The following USH2A variants were observed in gnomAD, a reference collection of about 807,000 sequenced individuals.
USH2A encodes usherin, also known as Usher syndrome 2A (autosomal recessive, mild).
Under a neutral mutation model 538.9 loss-of-function variants are expected in USH2A, and 443 were observed. That is an observed-to-expected ratio of 0.82 (90% CI 0.76 to 0.89). USH2A has a LOEUF of 0.89. USH2A is among the 40% of genes least tolerant of loss of function. The pLI, the probability that USH2A is intolerant of heterozygous loss-of-function variation, is 0.00. For missense variants in USH2A, 6,633 were observed against 6,324.8 expected, an observed-to-expected ratio of 1.05 and a Z score of -1.65; for synonymous variants, 2,413 against 2,273.5, an observed-to-expected ratio of 1.06 and a Z score of -1.75.
At chr1:216,185,347 A>G (rs77012879) in intron 20 of USH2A, among the ~76,000 whole-genome samples, 1,565 of 152,076 alleles carry the variant, frequency 0.01, 25 homozygotes, top group African/African-American at 0.036. Flanking sequence ...TTAAAACAAG[A>G]GAGAGCCAAT....
At chr1:215,745,128 C>T (rs1660435767) in intron 58 of USH2A, among the ~76,000 whole-genome samples, 1 of 152,130 alleles carries the variant, frequency 6.6e-6, no homozygotes, top group Non-Finnish European at 1.5e-5. Flanking sequence ...ACCATCTTCC[C>T]ATTTTCCTAG....
intron 20 of USH2A, among the ~76,000 whole-genome samples, chr1:216,186,826 G>T (rs1256029920): frequency 6.6e-6 from 1 of 151,642 alleles, no homozygotes; most frequent in Non-Finnish European, 1.5e-5. Flanking sequence ...TGCTATCATT[G>T]TCCATCCTTC....
In USH2A at chr1:215,888,965, C is replaced by G. The variant is rs397518033; in HGVS notation, c.7684G>C (p.Val2562Leu). ...AGATAAATGTTATAATGGGTAATAA[C>G]CCCATTGGATTTTCTAGGATGCTGC... is the stretch of plus-strand genomic sequence containing the variant. ...TWQHPRKSNG[V>L]ITHYNIYLHG... Residue 2562 changes from valine to leucine, a missense_variant, in exon 41 of 72, where the codon GTT (valine) becomes CTT (leucine). Physicochemically the swap from Val to Leu is conservative, Grantham distance 32 (BLOSUM62 1). Transcript: ENST00000307340. The G allele has an allele frequency of 6.2e-7, 1 of 1,614,054 alleles. No homozygotes were observed. Among genetic ancestry groups the G allele is most frequent in the Non-Finnish European group, 8.5e-7 (1 of 1,180,004 alleles).
In USH2A at chr1:216,250,115, T is replaced by A. The variant is rs374633629; in HGVS notation, c.2167+788A>T. On this transcript the variant is annotated intron_variant, in intron 12 of 71. Coordinates refer to ENST00000307340, the MANE Select transcript of USH2A (RefSeq NM_206933.4). ...ATTCTCATATATCAAAATTTCAAAG[T>A]GCATTATGAACATAGTGCATTTTAG... Among the ~76,000 whole-genome samples the A allele has an allele frequency of 9.8e-5, 15 of 152,286 alleles. 1 individual carries two copies. The highest frequency in any genetic ancestry group is 3.9e-4 in the Admixed American group (6 of 15,296).
At chr1:215,794,991 A>G (rs1054390523) in intron 50 of USH2A, among the ~76,000 whole-genome samples, 7 of 152,198 alleles carry the variant, frequency 4.6e-5, no homozygotes, top group African/African-American at 1.7e-4. Flanking sequence ...TCCACTTCTT[A>G]GAACAGATGT....
In USH2A at chr1:216,086,748, C is replaced by A. The variant is rs372436408; in HGVS notation, c.4958G>T (p.Arg1653Leu). ...NTGVFLGGLP[R>L]SYTILRKDPE... ...ATCCTTCCTGAGGATGGTATAACTT[C>A]GCGGGAGCCCTCCCAGAAAGACTCC... The change falls in exon 24 of 72, where the codon CGA becomes CTA. Residue 1653 changes from arginine to leucine, a missense_variant. Transcript: ENST00000307340. The A allele has an allele frequency of 5.0e-6, 8 of 1,612,736 alleles. No homozygotes were observed. Among genetic ancestry groups the A allele is most frequent in the Non-Finnish European group, 5.9e-6 (7 of 1,179,268 alleles).
chr1:216,051,267 G>C (rs1050778725), intron 30 of USH2A, among the ~76,000 whole-genome samples: 2 of 152,202 alleles, frequency 1.3e-5, no homozygotes, highest in East Asian at 3.9e-4. Context: ...ACCACACCTG[G>C]ATGTCCCACT....
intron 20 of USH2A, among the ~76,000 whole-genome samples, chr1:216,186,435 C>T (rs188211003): frequency 4.9e-4 from 75 of 151,934 alleles, no homozygotes; most frequent in Non-Finnish European, 5.6e-4. Context: ...ATTCTCTCTT[C>T]CCTTGACTTT....
chr1:216,202,814 C>T (rs1376468062), intron 16 of USH2A, among the ~76,000 whole-genome samples: 1 of 152,148 alleles, frequency 6.6e-6, no homozygotes, highest in Non-Finnish European at 1.5e-5. Flanking sequence ...TCTTTCTTTA[C>T]TGGGAAACTT....
intron 38 of USH2A, among the ~76,000 whole-genome samples, chr1:215,912,499 A>ATATATATACG (rs1665828682): frequency 2.8e-4 from 12 of 43,236 alleles, no homozygotes; most frequent in East Asian, 2.0e-3. Context: ...ATGTGTATAT[A>ATATATATACG]TATATATATA....
chr1:216,026,599 T>A (rs139144981), intron 32 of USH2A, among the ~76,000 whole-genome samples: 2 of 152,266 alleles, frequency 1.3e-5, no homozygotes, highest in South Asian at 4.1e-4. Context: ...CTAGTTTTCA[T>A]GAAAAAATTA....
At chr1:216,355,341 A>T (rs989195190) in intron 4 of USH2A, among the ~76,000 whole-genome samples, 6 of 150,456 alleles carry the variant, frequency 4.0e-5, no homozygotes, top group African/African-American at 1.5e-4. Context: ...GAAAGAAAGA[A>T]AGAAAGAAAG....
chr1:215,990,327 G>C (rs1667972918), intron 35 of USH2A, among the ~76,000 whole-genome samples: 1 of 152,160 alleles, frequency 6.6e-6, no homozygotes, highest in Non-Finnish European at 1.5e-5. Flanking sequence ...TGCAGACACT[G>C]GATGGTAAGT....
In USH2A at chr1:215,844,375, A is replaced by G. The variant is rs2102821801; in HGVS notation, c.9177T>C (p.Asn3059=). 6.2e-7 allele frequency: 1 copy of G among 1,613,840 alleles called. No individual in the cohort carries two copies. Residue 3059 remains asparagine (N), a synonymous_variant, in exon 46 of 72, where the codon AAT becomes AAC. Transcript: ENST00000307340. ...VVTEYSIYVN[N]KLYKTGMNVP... ...CATTCATTCCAGTCTTGTAGAGCTT[A>G]TTATTTACATAGATAGAATACTCAG... is the stretch of plus-strand genomic sequence containing the variant.
intron 62 of USH2A, among the ~76,000 whole-genome samples, chr1:215,676,996 A>G (rs1396058014): frequency 6.6e-6 from 1 of 152,016 alleles, no homozygotes; most frequent in East Asian, 1.9e-4. Flanking sequence ...TTGCTCTGTC[A>G]TTTTCCCAGG....
intron 6 of USH2A, 93 bp downstream of exon 6, chr1:216,325,212 G>A: frequency 1.5e-6 from 2 of 1,342,786 alleles, no homozygotes; most frequent in Admixed American, 1.7e-5. Context: ...AACTGTTAGG[G>A]AATATATTTC....
intron 3 of USH2A, among the ~76,000 whole-genome samples, 176 bp downstream of exon 3, chr1:216,418,338 T>C (rs2102783499): frequency 6.6e-6 from 1 of 152,218 alleles, no homozygotes; most frequent in South Asian, 2.1e-4. Context: ...TGCTAGTATA[T>C]CAAGAGATAC....
intron 32 of USH2A, among the ~76,000 whole-genome samples, chr1:216,009,084 T>C (rs1243749162): frequency 6.6e-6 from 1 of 151,926 alleles, no homozygotes; most frequent in Admixed American, 6.6e-5. Flanking sequence ...CGACCTCTTA[T>C]CTCTGCACCC....
intron 37 of USH2A, among the ~76,000 whole-genome samples, chr1:215,938,256 G>A (rs1666556025): frequency 6.6e-6 from 1 of 152,078 alleles, no homozygotes; most frequent in African/African-American, 2.4e-5. Context: ...CACAGACCTA[G>A]AGTAACTGAC....
Sources: gnomAD v4.1 joint callset for allele counts (sites outside exome capture counted in the v4.1 genomes callset) on GRCh38, gnomAD v4.1.1 for gene constraint, MANE v1.5 for transcripts, NCBI Gene and HGNC (gene_info 2026-07-23, HGNC 2026-07-21) for gene names.